The following ZDHHC20 variants were observed in gnomAD, a reference collection of about 807,000 sequenced individuals.
ZDHHC20 encodes the protein zDHHC palmitoyltransferase 20, also known as palmitoyltransferase ZDHHC20.
Under a neutral mutation model 57.8 loss-of-function variants are expected in ZDHHC20, and 43 were observed. The ratio of observed to expected loss-of-function variants is 0.74; its 90% CI spans 0.58 to 0.96. The LOEUF (loss-of-function observed/expected upper bound fraction) is 0.96, where lower values mean the gene tolerates loss of function less well. ZDHHC20 is among the 40% of genes least tolerant of loss of function. The pLI is 0.00. For missense variants in ZDHHC20, 391 were observed against 441.1 expected (o/e 0.89, Z 1.02); for synonymous variants, 157 against 153.0 (o/e 1.03, Z -0.19).
At chr13:21,457,562 A>T (rs565992286) in intron 1 of ZDHHC20, among the ~76,000 whole-genome samples, 1 of 152,356 alleles carries the variant, frequency 6.6e-6, no homozygotes, top group South Asian at 2.1e-4. Context: ...GAAAAGATTA[A>T]TATTATTTGG....
Position 21,376,410 on chromosome 13 carries a change from G to C in ZDHHC20, c.*286C>G. The C allele has an allele frequency of 6.8e-6, 2 of 294,178 alleles. No individual in the cohort carries two copies. Among genetic ancestry groups the C allele is most frequent in the Non-Finnish European group, 1.3e-5 (2 of 155,572 alleles). The allele number at this position is 294,178 out of a possible 1,614,324, so 18.2% of individuals were successfully genotyped here. A position where few individuals can be genotyped will look rare whatever the true frequency, so the allele number is the denominator to read the frequency against. On this transcript the variant is annotated 3_prime_UTR_variant, in exon 13 of 13. Transcript: ENST00000400590. ...GCTCATATTATAGCAACTCATAACA[G>C]GTAAGTATTATTTCCAGAATAACAT...
intron 2 of ZDHHC20, among the ~76,000 whole-genome samples, chr13:21,424,513 T>A (rs1881026886): frequency 1.3e-5 from 2 of 152,010 alleles, no homozygotes; most frequent in Non-Finnish European, 2.9e-5. Context: ...ATCGAGACCA[T>A]CCTGACTAAC....
intron 12 of ZDHHC20, chr13:21,378,005 G>C (rs899432303): frequency 6.6e-6 from 1 of 151,960 alleles, no homozygotes; most frequent in Non-Finnish European, 1.5e-5. Flanking sequence ...TTTTCTCTGG[G>C]TCGAATTTCC....
intron 8 of ZDHHC20, 120 bp from the exon 9 acceptor site, chr13:21,387,754 TA>T: frequency 2.0e-6 from 1 of 504,334 alleles, no homozygotes; most frequent in Non-Finnish European, 3.1e-6. Flanking sequence ...TAATTTAAAA[TA>T]AATAATACAT....
At chr13:21,399,628 T>C (rs1260466290) in intron 7 of ZDHHC20, among the ~76,000 whole-genome samples, 1 of 152,176 alleles carries the variant, frequency 6.6e-6, no homozygotes, top group Admixed American at 6.5e-5. Context: ...AAAGGATAAC[T>C]GTAGAAAGCA....
intron 5 of ZDHHC20, 127 bp downstream of exon 5, chr13:21,402,670 G>T: frequency 1.3e-6 from 1 of 750,352 alleles, no homozygotes; most frequent in Non-Finnish European, 2.2e-6. Context: ...TGTATGCACA[G>T]CAAATAATGG....
intron 7 of ZDHHC20, among the ~76,000 whole-genome samples, chr13:21,398,541 C>T (rs929723808): frequency 1.3e-5 from 2 of 151,950 alleles, no homozygotes; most frequent in African/African-American, 2.4e-5. Flanking sequence ...TAGATTCTGG[C>T]AAATAAATAC....
intron 12 of ZDHHC20, chr13:21,376,999 G>A (rs558996640): frequency 1.2e-5 from 2 of 168,666 alleles, no homozygotes; most frequent in South Asian, 1.7e-4. Flanking sequence ...ACTGTTAAAG[G>A]AACTGCAGCT....
chr13:21,418,762 C>A (rs1024317014), intron 3 of ZDHHC20, among the ~76,000 whole-genome samples: 7 of 152,188 alleles, frequency 4.6e-5, no homozygotes, highest in Admixed American at 1.3e-4. Flanking sequence ...CAGGCTAAAC[C>A]TTCATGGGCT....
chr13:21,384,446 G>A (rs1175757998), intron 9 of ZDHHC20, among the ~76,000 whole-genome samples: 1 of 103,450 alleles, frequency 9.7e-6, no homozygotes, highest in Admixed American at 1.5e-4. Context: ...TTGAGACAGA[G>A]ACTCTATCTC....
chr13:21,447,128 T>C (rs1359240135), intron 1 of ZDHHC20, among the ~76,000 whole-genome samples: 1 of 151,878 alleles, frequency 6.6e-6, no homozygotes, highest in African/African-American at 2.4e-5. Flanking sequence ...TACTACAATA[T>C]AGGTGATAAT....
Position 21,414,527 on chromosome 13 carries a change from A to ATTTTTTT in ZDHHC20, c.250-762_250-756dup, listed in dbSNP as rs747307477. Among the ~76,000 whole-genome samples the ATTTTTTT allele has an allele frequency of 8.1e-3, 873 of 107,344 alleles. 18 individuals are homozygous for ATTTTTTT. The highest frequency in any genetic ancestry group is 0.022 in the African/African-American group (724 of 32,332). 70.4% of individuals were successfully genotyped at this position (107,344 alleles called of 152,430 possible). ...AGGCGCACGCCACTATGCCCGGATA[A>ATTTTTTT]TTTTTTTTTTTTTTTTTGTATTTTT... On this transcript the variant is annotated intron_variant, in intron 3 of 12. Coordinates refer to ENST00000400590, the MANE Select transcript of ZDHHC20 (RefSeq NM_001330059.2).
intron 9 of ZDHHC20, among the ~76,000 whole-genome samples, chr13:21,387,258 TC>T (rs1489385005): frequency 1.1e-4 from 16 of 152,270 alleles, no homozygotes; most frequent in Middle Eastern, 3.4e-3. Flanking sequence ...GAAGAAAAAA[TC>T]TTATTTTTTT....
rs757778873 is a variant in ZDHHC20, at chr13:21,413,634, ACTTATT to A, written c.370+12_370+17del. 1.3e-6 allele frequency: 2 copies of A among 1,575,072 alleles called. No homozygotes were observed. Among genetic ancestry groups the A allele is most frequent in the Admixed American group, 1.9e-5 (1 of 53,336 alleles). On this transcript the variant is annotated intron_variant, in intron 4 of 12. Coordinates refer to ENST00000400590, the MANE Select transcript of ZDHHC20 (RefSeq NM_001330059.2). ...CTTTAAAAATCATTTGAAAAGGAAAACTTATTCTTTTTCTTACTTTTTGAAGCTGAT... is the reference window on the plus strand; with the variant it reads ...CTTTAAAAATCATTTGAAAAGGAAAACTTTTTCTTACTTTTTGAAGCTGAT...
chr13:21,386,527 A>G (rs898667780), intron 9 of ZDHHC20, among the ~76,000 whole-genome samples: 4 of 152,340 alleles, frequency 2.6e-5, no homozygotes. Context: ...ACCCAGAAGC[A>G]TAACATTTAG....
At chr13:21,413,500 T>TAC (rs1555260983) in intron 4 of ZDHHC20, among the ~76,000 whole-genome samples, 152 bp downstream of exon 4, 1 of 151,778 alleles carries the variant, frequency 6.6e-6, no homozygotes, top group African/African-American at 2.4e-5. Flanking sequence ...GCATCTGAAA[T>TAC]ACAGTAAGGA....
At chr13:21,399,506 T>C (rs1398126214) in intron 7 of ZDHHC20, among the ~76,000 whole-genome samples, 1 of 152,130 alleles carries the variant, frequency 6.6e-6, no homozygotes, top group African/African-American at 2.4e-5. Context: ...TTACTTTCAA[T>C]GTTTTTGGTA....
At chr13:21,425,964 C>G (rs1315394719) in intron 1 of ZDHHC20, among the ~76,000 whole-genome samples, 1 of 152,152 alleles carries the variant, frequency 6.6e-6, no homozygotes, top group Non-Finnish European at 1.5e-5. Flanking sequence ...TTTTCTTTAG[C>G]TCTTTCCTTA....
At chr13:21,382,538 A>G (rs1018175092) in intron 10 of ZDHHC20, among the ~76,000 whole-genome samples, 1 of 152,248 alleles carries the variant, frequency 6.6e-6, no homozygotes, top group African/African-American at 2.4e-5. Flanking sequence ...ATTTATCAAA[A>G]TAAAATGGTG....
Sources: gnomAD v4.1 joint callset for allele counts (sites outside exome capture counted in the v4.1 genomes callset) on GRCh38, gnomAD v4.1.1 for gene constraint, MANE v1.5 for transcripts, NCBI Gene and HGNC (gene_info 2026-07-23, HGNC 2026-07-21) for gene names.